The following DSCAM variants were observed in gnomAD, a reference collection of about 807,000 sequenced individuals.
DSCAM encodes the protein cell adhesion molecule DSCAM.
In DSCAM, 47 loss-of-function variants were observed where a neutral mutation model predicts 217.7. The ratio of observed to expected loss-of-function variants is 0.22; its 90% confidence interval spans 0.17 to 0.28. The LOEUF is 0.28. Among genes scored for constraint, DSCAM ranks in the 10% least tolerant of loss-of-function variants. The pLI is 1.00. For missense variants in DSCAM, 2,080 were observed against 2,618.3 expected (o/e 0.79, Z 4.49); for synonymous variants, 1,056 against 1,015.3 (o/e 1.04, Z -0.76).
rs529967888 is a variant in DSCAM, at chr21:40,062,257, C to G, written c.4919+612G>C. 1.3e-3 allele frequency among the ~76,000 whole-genome samples: 201 copies of G among 152,330 alleles called. 2 individuals carry two copies. The highest frequency in any genetic ancestry group is 4.6e-3 in the African/African-American group (192 of 41,588). On this transcript the variant is annotated intron_variant, in intron 28 of 32. Coordinates refer to ENST00000400454, the MANE Select transcript of DSCAM (RefSeq NM_001389.5). ...CATTTCTGTCTTCCACAGTTGTGAA[C>G]ATTCTCGTACTCATTCAATAACCAC...
chr21:40,124,389 C>T, intron 19 of DSCAM, 61 bp from the exon 20 acceptor site: 4 of 1,601,254 alleles, frequency 2.5e-6, no homozygotes, highest in South Asian at 1.1e-5. Flanking sequence ...CGGACCCACG[C>T]TTCCCAACAT....
intron 3 of DSCAM, among the ~76,000 whole-genome samples, chr21:40,524,360 T>C (rs1261287292): frequency 1.3e-5 from 2 of 152,144 alleles, no homozygotes; most frequent in East Asian, 3.8e-4. Flanking sequence ...CTTTTCTATG[T>C]TTTTATTTTT....
intron 25 of DSCAM, among the ~76,000 whole-genome samples, chr21:40,079,258 T>C (rs936600362): frequency 6.6e-6 from 1 of 152,194 alleles, no homozygotes; most frequent in Non-Finnish European, 1.5e-5. Context: ...TGTTCACATA[T>C]GGGTTTCCTT....
chr21:40,582,212 G>T (rs917646451), intron 3 of DSCAM, among the ~76,000 whole-genome samples: 1 of 152,096 alleles, frequency 6.6e-6, no homozygotes, highest in East Asian at 1.9e-4. Flanking sequence ...TATTCCAGTG[G>T]TTGATTTCAG....
At chr21:40,648,287 A>T (rs908485131) in intron 3 of DSCAM, among the ~76,000 whole-genome samples, 31 of 151,022 alleles carry the variant, frequency 2.1e-4, no homozygotes, top group Non-Finnish European at 3.5e-4. Context: ...ACACACTCAC[A>T]CACTGCTCAG....
intron 30 of DSCAM, among the ~76,000 whole-genome samples, chr21:40,047,941 G>A (rs938415015): frequency 6.6e-5 from 10 of 152,176 alleles, no homozygotes; most frequent in East Asian, 1.9e-4. Context: ...TTGAATGTGC[G>A]TACATGTGAA....
chr21:40,349,314 G>C (rs1045496605), intron 5 of DSCAM, among the ~76,000 whole-genome samples: 1 of 150,630 alleles, frequency 6.6e-6, no homozygotes, highest in Non-Finnish European at 1.5e-5. Context: ...ACACAATTGT[G>C]AGGAAAAAAA....
chr21:40,333,540 T>C (rs2074398486), intron 8 of DSCAM, among the ~76,000 whole-genome samples: 1 of 152,176 alleles, frequency 6.6e-6, no homozygotes, highest in South Asian at 2.1e-4. Flanking sequence ...AATTTTTGTA[T>C]TTTTAGTAGA....
At chr21:40,428,860 T>C (rs920705149) in intron 3 of DSCAM, among the ~76,000 whole-genome samples, 3 of 150,144 alleles carry the variant, frequency 2.0e-5, no homozygotes, top group African/African-American at 7.4e-5. Flanking sequence ...ACACACACCA[T>C]TTCATGTGAC....
chr21:40,259,800 A>G (rs889187515), intron 11 of DSCAM, among the ~76,000 whole-genome samples: 1 of 148,930 alleles, frequency 6.7e-6, no homozygotes, highest in Non-Finnish European at 1.5e-5. Flanking sequence ...CAGCCTCCCG[A>G]GTAGCTGGGA....
Position 40,448,115 on chromosome 21 carries a change from G to T in DSCAM, c.509-78870C>A, listed in dbSNP as rs193106861. ...TTTATTGTGTGTGATGATTTTGTGTGTGTCAACTTGACTGGCTAAGGGATG... is the reference window on the plus strand; with the variant it reads ...TTTATTGTGTGTGATGATTTTGTGTTTGTCAACTTGACTGGCTAAGGGATG... On this transcript the variant is annotated intron_variant, in intron 3 of 32. Coordinates refer to ENST00000400454, the MANE Select transcript of DSCAM (RefSeq NM_001389.5). Among the ~76,000 whole-genome samples, 139 of 152,312 alleles carry T rather than the reference G, an allele frequency of 9.1e-4. 1 individual carries two copies. Among genetic ancestry groups the T allele is most frequent in the African/African-American group, 3.2e-3 (134 of 41,580 alleles).
chr21:40,837,249 C>G (rs1046686633), intron 1 of DSCAM, among the ~76,000 whole-genome samples: 2 of 152,162 alleles, frequency 1.3e-5, no homozygotes, highest in African/African-American at 4.8e-5. Flanking sequence ...CAGAAGCCTA[C>G]AGCATATTCT....
rs1491362590 is a variant in DSCAM, at chr21:40,342,626, G to GTGTGTATATATA, written c.1211-3212_1211-3211insTATATATACACA. ...TATGTGTATATGTGTGTGTGTGTGT[G>GTGTGTATATATA]TATATATATATATATATATATATTT... On this transcript the variant is annotated intron_variant, in intron 6 of 32. Coordinates refer to ENST00000400454, the MANE Select transcript of DSCAM (RefSeq NM_001389.5). Among the ~76,000 whole-genome samples, 13 of 94,718 alleles carry GTGTGTATATATA rather than the reference G, an allele frequency of 1.4e-4. No homozygotes were observed. In the East Asian group the frequency reaches 1.4e-3, roughly 11 times the overall value. 62.1% of individuals were successfully genotyped at this position (94,718 alleles called of 152,430 possible).
chr21:40,033,174 A>C (rs934181809), intron 32 of DSCAM, among the ~76,000 whole-genome samples: 1 of 152,142 alleles, frequency 6.6e-6, no homozygotes, highest in African/African-American at 2.4e-5. Flanking sequence ...GGGAGGAGCC[A>C]AGATGGCCGA....
rs201976840 is a variant in DSCAM at position 40,044,100 on chromosome 21, G to A, written c.5361C>T (p.Ser1787=). Reference sequence around the variant, plus strand: ...TACCTGTGTCTTGCGAGGGGCTGACGCTGTAACTGTCGCTCTCTTTGTCTA... The same window carrying A: ...TACCTGTGTCTTGCGAGGGGCTGACACTGTAACTGTCGCTCTCTTTGTCTA... The part of the protein sequence containing the change: ...GSVDKESDSY[S]VSPSQDTDRA... Residue 1787 remains serine (S), a synonymous_variant, in exon 31 of 33, where the codon AGC becomes AGT. Transcript: ENST00000400454. The A allele has an allele frequency of 9.9e-5, 160 of 1,613,852 alleles. No homozygotes were observed. The highest frequency in any genetic ancestry group is 2.1e-4 in the African/African-American group (16 of 75,050).
chr21:40,736,993 A>G (rs1179192018), intron 1 of DSCAM, among the ~76,000 whole-genome samples: 1 of 152,212 alleles, frequency 6.6e-6, no homozygotes, highest in Non-Finnish European at 1.5e-5. Context: ...CTTAAGATAA[A>G]ATGTTAAGCA....
chr21:40,663,046 A>T (rs1022572970), intron 3 of DSCAM, among the ~76,000 whole-genome samples: 3 of 114,966 alleles, frequency 2.6e-5, no homozygotes, highest in South Asian at 3.8e-4. Context: ...TGCACATGTG[A>T]GTGTGTGTGT....
At position 40,347,838 on chromosome 21, in the gene DSCAM, A is replaced by G; in HGVS notation, c.1042T>C (p.Tyr348His). 1 of 1,614,144 alleles carries G rather than the reference A, an allele frequency of 6.2e-7. No individual in the cohort carries two copies. Among genetic ancestry groups the G allele is most frequent in the Non-Finnish European group, 8.5e-7 (1 of 1,180,002 alleles). The change falls in exon 6 of 33, where the codon TAC (tyrosine) becomes CAC (histidine). Residue 348 changes from tyrosine to histidine, a missense_variant. Tyr to His is a moderately conservative substitution (Grantham distance 83). Transcript: ENST00000400454. ...TGTEDQELSW[Y>H]RNGEILNPGK... ...GGGTTGAGGATTTCACCATTGCGGT[A>G]CCAGGAGAGTTCCTGGTCCTCAGTT... is the stretch of plus-strand genomic sequence containing the variant.
chr21:40,320,185 T>C (rs1049242923), intron 8 of DSCAM, among the ~76,000 whole-genome samples: 10 of 152,320 alleles, frequency 6.6e-5, no homozygotes, highest in South Asian at 6.2e-4. Context: ...CACATGTACC[T>C]TGGAACTTAA....
Sources: gnomAD v4.1 joint callset for allele counts (sites outside exome capture counted in the v4.1 genomes callset) on GRCh38, gnomAD v4.1.1 for gene constraint, MANE v1.5 for transcripts, NCBI Gene and HGNC (gene_info 2026-07-23, HGNC 2026-07-21) for gene names.